The following CSMD1 variants were observed in gnomAD, a reference collection of about 807,000 sequenced individuals.
CSMD1 encodes the protein CUB and Sushi multiple domains 1.
A neutral mutation model predicts 417.5 loss-of-function variants in CSMD1; 213 were observed. The observed-to-expected ratio is 0.51, with a 90% CI of 0.46 to 0.57. The LOEUF (loss-of-function observed/expected upper bound fraction) is 0.57, where lower values mean the gene tolerates loss of function less well. CSMD1 is among the 20% of genes least tolerant of loss of function. The pLI is 0.00. For missense variants in CSMD1, 6,923 were observed against 4,529.7 expected (o/e 1.53, Z -15.17); for synonymous variants, 2,862 against 1,736.8 (o/e 1.65, Z -16.11).
At position 4,685,687 on chromosome 8, in the gene CSMD1, T is replaced by G. The variant is rs78923797; in HGVS notation, c.86-48129A>C. 1.3e-5 allele frequency among the ~76,000 whole-genome samples: 2 copies of G among 152,170 alleles called. 1 individual carries two copies. Among genetic ancestry groups the G allele is most frequent in the South Asian group, 4.1e-4 (2 of 4,828 alleles). On this transcript the variant is annotated intron_variant, in intron 1 of 69. Coordinates refer to ENST00000635120, the MANE Select transcript of CSMD1 (RefSeq NM_033225.6). The stretch of plus-strand genomic sequence containing the variant: ...AAACAAAATCAATTAAATTTGAAAA[T>G]TGAGTACAAGGAAGTGAAACGGTAA...
intron 1 of CSMD1, among the ~76,000 whole-genome samples, chr8:4,923,670 C>T (rs1289341159): frequency 6.6e-6 from 1 of 152,104 alleles, no homozygotes; most frequent in Non-Finnish European, 1.5e-5. Context: ...TCCTGGTATA[C>T]CTATCCACGG....
chr8:4,283,214 C>T (rs1260338383), intron 3 of CSMD1, among the ~76,000 whole-genome samples: 1 of 152,086 alleles, frequency 6.6e-6, no homozygotes, highest in Admixed American at 6.6e-5. Flanking sequence ...TATGATTTTT[C>T]TAAATTTAAA....
intron 3 of CSMD1, among the ~76,000 whole-genome samples, chr8:4,400,205 G>C (rs1049168064): frequency 6.6e-6 from 1 of 152,214 alleles, no homozygotes; most frequent in African/African-American, 2.4e-5. Context: ...AAAGCAGCTT[G>C]AAGCAAGCTT....
At chr8:4,512,697 C>G (rs1382174537) in intron 2 of CSMD1, among the ~76,000 whole-genome samples, 4 of 151,176 alleles carry the variant, frequency 2.6e-5, no homozygotes, top group Non-Finnish European at 5.9e-5. Flanking sequence ...ATTAGCATAC[C>G]CCAAAATGAA....
chr8:4,791,881 C>G (rs183025372), intron 1 of CSMD1, among the ~76,000 whole-genome samples: 27 of 151,852 alleles, frequency 1.8e-4, no homozygotes, highest in Admixed American at 3.3e-4. Context: ...AGCTTGCATT[C>G]AGCAACAATT....
intron 2 of CSMD1, among the ~76,000 whole-genome samples, chr8:4,480,191 A>AAAAC (rs1801017701): frequency 6.6e-6 from 1 of 151,270 alleles, no homozygotes; most frequent in African/African-American, 2.4e-5. Context: ...ATCTCACAAA[A>AAAAC]AAAAAAAAAC....
chr8:4,099,521 C>A lies in CSMD1; in HGVS notation c.416-67422G>T, dbSNP rs532923376. On this transcript the variant is annotated intron_variant, in intron 3 of 69. Coordinates refer to ENST00000635120, the MANE Select transcript of CSMD1 (RefSeq NM_033225.6). Reference sequence around the variant, plus strand: ...CAATGCTGTTCACTACGGATTGTGCCATTATGAGCACCTTTGTGAACAAAC... The same window carrying A: ...CAATGCTGTTCACTACGGATTGTGCAATTATGAGCACCTTTGTGAACAAAC... Among the ~76,000 whole-genome samples the A allele has an allele frequency of 8.9e-4, 136 of 152,092 alleles. 1 individual carries two copies. Among genetic ancestry groups the A allele is most frequent in the African/African-American group, 3.2e-3 (133 of 41,488 alleles).
At chr8:4,433,744 C>A (rs970408857) in intron 2 of CSMD1, among the ~76,000 whole-genome samples, 2 of 152,172 alleles carry the variant, frequency 1.3e-5, no homozygotes, top group African/African-American at 2.4e-5. Flanking sequence ...ACATTTATTT[C>A]CTACACCTTT....
chr8:4,370,675 G>C (rs1423939932), intron 3 of CSMD1, among the ~76,000 whole-genome samples: 3 of 152,122 alleles, frequency 2.0e-5, no homozygotes. Flanking sequence ...TGCTTCAAAG[G>C]AGTGGTGTTC....
At chr8:4,663,439 G>C (rs899592936) in intron 1 of CSMD1, among the ~76,000 whole-genome samples, 5 of 152,170 alleles carry the variant, frequency 3.3e-5, no homozygotes, top group Non-Finnish European at 4.4e-5. Flanking sequence ...CTCATGTCCA[G>C]TAGTAACCCT....
chr8:4,110,044 A>T (rs1801769511), intron 3 of CSMD1, among the ~76,000 whole-genome samples: 1 of 152,178 alleles, frequency 6.6e-6, no homozygotes, highest in African/African-American at 2.4e-5. Context: ...CCCAGGCTAG[A>T]CTGAAACTTG....
At chr8:4,787,926 G>A (rs939348391) in intron 1 of CSMD1, 2 of 1,591,832 alleles carry the variant, frequency 1.3e-6, no homozygotes, top group Non-Finnish European at 1.7e-6. Context: ...AATTGTTCTT[G>A]CTGATGTAAT....
Position 3,207,174 on chromosome 8 carries a change from T to C in CSMD1, c.4868-1554A>G, listed in dbSNP as rs538688725. Among the ~76,000 whole-genome samples the C allele has an allele frequency of 7.4e-4, 44 of 59,722 alleles. No individual in the cohort carries two copies. In the Middle Eastern group the frequency reaches 0.02, roughly 27 times the overall value. The allele number at this position is 59,722 out of a possible 152,430, so 39.2% of individuals were successfully genotyped here. ...TTCTTTTTTTTTTTTTGAGATGGTGTCTTGCCCTGTCACCCAGGCTGGAGT... is the reference window on the plus strand; with the variant it reads ...TTCTTTTTTTTTTTTTGAGATGGTGCCTTGCCCTGTCACCCAGGCTGGAGT... On this transcript the variant is annotated intron_variant, in intron 30 of 69. Coordinates refer to ENST00000635120, the MANE Select transcript of CSMD1 (RefSeq NM_033225.6).
intron 5 of CSMD1, among the ~76,000 whole-genome samples, chr8:3,839,594 T>C (rs1403583315): frequency 7.4e-6 from 1 of 135,504 alleles, no homozygotes; most frequent in Non-Finnish European, 1.5e-5. Context: ...TATATTAATA[T>C]GATATATATA....
At chr8:3,532,934 T>C (rs189846689) in intron 10 of CSMD1, among the ~76,000 whole-genome samples, 95 of 152,334 alleles carry the variant, frequency 6.2e-4, no homozygotes, top group African/African-American at 2.2e-3. Context: ...ATAGCACATA[T>C]ACTTTCAAAG....
At chr8:3,632,010 C>T (rs778815701) in intron 7 of CSMD1, among the ~76,000 whole-genome samples, 25 of 152,294 alleles carry the variant, frequency 1.6e-4, no homozygotes, top group Non-Finnish European at 3.1e-4. Flanking sequence ...ATTCTCTAAC[C>T]ATAGGTTAAC....
At chr8:3,857,944 C>G (rs931852968) in intron 5 of CSMD1, among the ~76,000 whole-genome samples, 7 of 152,210 alleles carry the variant, frequency 4.6e-5, no homozygotes, top group African/African-American at 1.4e-4. Flanking sequence ...CAAATAAAGC[C>G]TACACTGCAT....
intron 3 of CSMD1, among the ~76,000 whole-genome samples, chr8:4,240,934 C>A (rs1219647980): frequency 6.6e-6 from 1 of 152,060 alleles, no homozygotes; most frequent in Non-Finnish European, 1.5e-5. Flanking sequence ...TTTCCATTAC[C>A]AACTTCTGAC....
rs149188975 is a variant in CSMD1 at position 4,549,708 on chromosome 8, G to A, written c.302+87634C>T. On this transcript the variant is annotated intron_variant, in intron 2 of 69. Transcript: ENST00000635120. ...GTTCAAGACCAGCCTGGGCAACATGGCAAAACCCCGTCTCTACTATAAATC... is the reference window on the plus strand; with the variant it reads ...GTTCAAGACCAGCCTGGGCAACATGACAAAACCCCGTCTCTACTATAAATC... 8.1e-3 allele frequency among the ~76,000 whole-genome samples: 1,227 copies of A among 151,808 alleles called. 66 individuals carry two copies. Among genetic ancestry groups the A allele is most frequent in the Admixed American group, 0.07 (1,064 of 15,222 alleles).
Sources: allele counts gnomAD v4.1 joint callset (sites outside exome capture counted in the v4.1 genomes callset), GRCh38; gene constraint gnomAD v4.1.1; transcripts MANE v1.5; gene names NCBI Gene and HGNC (gene_info 2026-07-23, HGNC 2026-07-21).